Variants in OXR1 observed in about 807,000 individuals in gnomAD.
The protein encoded by OXR1 is oxidation resistance protein 1.
A neutral mutation model predicts 104.6 loss-of-function variants in OXR1; 41 were observed. The ratio of observed to expected loss-of-function variants is 0.39; its 90% CI spans 0.31 to 0.51. OXR1 has a LOEUF of 0.51. Ranked by LOEUF, OXR1 falls within the 20% of genes least tolerant of loss-of-function variation. The pLI, the probability that OXR1 is intolerant of heterozygous loss-of-function variation, is 0.77. For synonymous variants in OXR1, 348 were observed against 348.4 expected (o/e 1.00, Z 0.01); for missense variants, 955 against 1,031.9 (o/e 0.93, Z 1.02).
intron 3 of OXR1, among the ~76,000 whole-genome samples, chr8:106,599,478 T>C (rs1413277936): frequency 1.3e-5 from 2 of 152,174 alleles, no homozygotes; most frequent in African/African-American, 4.8e-5. Context: ...CAAAAGGAGA[T>C]TCTTTAATTT....
chr8:106,394,264 G>C (rs1046840964), intron 2 of OXR1, among the ~76,000 whole-genome samples: 17 of 150,068 alleles, frequency 1.1e-4, no homozygotes, highest in African/African-American at 4.2e-4. Flanking sequence ...ACTTTTTAAA[G>C]GGTATATTTA....
At position 106,464,261 on chromosome 8, in the gene OXR1, C is replaced by T. The variant is rs527450108; in HGVS notation, c.24-54682C>T. 3.9e-5 allele frequency among the ~76,000 whole-genome samples: 6 copies of T among 151,958 alleles called. No homozygotes were observed. In the East Asian group the frequency reaches 9.7e-4, roughly 25 times the overall value. On this transcript the variant is annotated intron_variant, in intron 2 of 16. Coordinates refer to ENST00000517566, the MANE Select transcript of OXR1 (RefSeq NM_001198533.2). ...TCAAGCCCAATATTGCACTAATCCT[C>T]AAAACATCTTGTGATGGAGATATTT...
At chr8:106,578,609 T>A (rs1435769104) in intron 3 of OXR1, among the ~76,000 whole-genome samples, 1 of 152,242 alleles carries the variant, frequency 6.6e-6, no homozygotes, top group East Asian at 1.9e-4. Flanking sequence ...TTTTAAGGAA[T>A]TAAGGACTTA....
chr8:106,304,649 A>C (rs1275617169), intron 1 of OXR1, among the ~76,000 whole-genome samples: 1 of 152,188 alleles, frequency 6.6e-6, no homozygotes, highest in Non-Finnish European at 1.5e-5. Context: ...GCATTACTGC[A>C]ATTTAATTTA....
At chr8:106,526,875 C>T (rs1813729205) in intron 3 of OXR1, among the ~76,000 whole-genome samples, 1 of 152,120 alleles carries the variant, frequency 6.6e-6, no homozygotes, top group East Asian at 1.9e-4. Flanking sequence ...GTTTAGGTGT[C>T]AGCTTGCCAG....
chr8:106,532,258 G>T (rs1018030591), intron 3 of OXR1, among the ~76,000 whole-genome samples: 1 of 152,208 alleles, frequency 6.6e-6, no homozygotes, highest in African/African-American at 2.4e-5. Flanking sequence ...GGGAATTTAT[G>T]TGCCTACAAA....
chr8:106,325,621 C>A (rs1231762514), intron 1 of OXR1, among the ~76,000 whole-genome samples: 1 of 152,146 alleles, frequency 6.6e-6, no homozygotes, highest in Admixed American at 6.5e-5. Flanking sequence ...ACATGTGATT[C>A]TTTACCACTC....
intron 3 of OXR1, among the ~76,000 whole-genome samples, chr8:106,593,574 C>T (rs201680844): frequency 1.3e-5 from 2 of 152,068 alleles, no homozygotes; most frequent in African/African-American, 4.8e-5. Flanking sequence ...GTCAGGAGAT[C>T]GAGACCATCC....
At chr8:106,646,610 C>T (rs1277551211) in intron 3 of OXR1, among the ~76,000 whole-genome samples, 1 of 151,786 alleles carries the variant, frequency 6.6e-6, no homozygotes, top group African/African-American at 2.4e-5. Context: ...TATGTGAAGA[C>T]CCATTATAGA....
chr8:106,701,928 A>C (rs1431374254), intron 7 of OXR1, among the ~76,000 whole-genome samples: 2 of 152,208 alleles, frequency 1.3e-5, no homozygotes, highest in African/African-American at 2.4e-5. Flanking sequence ...TTATAAAGTA[A>C]GAAGGTTAAA....
intron 3 of OXR1, among the ~76,000 whole-genome samples, chr8:106,606,467 ATTTTTT>A (rs34425594): frequency 2.9e-5 from 4 of 136,930 alleles, no homozygotes; most frequent in Non-Finnish European, 4.7e-5. Flanking sequence ...TGCCTGGCTA[ATTTTTT>A]TTTTTTTTTT....
intron 2 of OXR1, among the ~76,000 whole-genome samples, chr8:106,395,507 T>A (rs1451031223): frequency 6.6e-6 from 1 of 152,128 alleles, no homozygotes; most frequent in African/African-American, 2.4e-5. Context: ...ACTTATTCAC[T>A]ATCACAAGAA....
intron 1 of OXR1, among the ~76,000 whole-genome samples, chr8:106,294,453 G>T (rs186474712): frequency 6.7e-6 from 1 of 148,604 alleles, no homozygotes; most frequent in Non-Finnish European, 1.5e-5. Flanking sequence ...AATTTATAAC[G>T]AAGAGGTTAG....
intron 3 of OXR1, among the ~76,000 whole-genome samples, chr8:106,551,940 G>T (rs1306243604): frequency 6.8e-6 from 1 of 147,608 alleles, no homozygotes; most frequent in Non-Finnish European, 1.5e-5. Context: ...TGCGCACTGT[G>T]GTCCCAGCTA....
chr8:106,595,345 T>A (rs1247047430), intron 3 of OXR1, among the ~76,000 whole-genome samples: 1 of 151,256 alleles, frequency 6.6e-6, no homozygotes, highest in Non-Finnish European at 1.5e-5. Context: ...AGGTCAGGAG[T>A]TCGAGACAAG....
chr8:106,445,759 G>A (rs1334085102), intron 2 of OXR1, among the ~76,000 whole-genome samples: 1 of 152,152 alleles, frequency 6.6e-6, no homozygotes, highest in Non-Finnish European at 1.5e-5. Context: ...TTCGTACTGC[G>A]AGGCTTTAGA....
intron 2 of OXR1, among the ~76,000 whole-genome samples, chr8:106,477,658 A>G (rs1821881235): frequency 6.6e-6 from 1 of 151,942 alleles, no homozygotes. Context: ...TACAAAGTTC[A>G]TCTACAAGTT....
At chr8:106,412,867 C>A (rs529819162) in intron 2 of OXR1, among the ~76,000 whole-genome samples, 4 of 151,884 alleles carry the variant, frequency 2.6e-5, no homozygotes, top group African/African-American at 9.7e-5. Flanking sequence ...AGGGTAATGA[C>A]GTGTACATGT....
chr8:106,650,703 C>A (rs1416761958), intron 3 of OXR1, among the ~76,000 whole-genome samples: 3 of 152,152 alleles, frequency 2.0e-5, no homozygotes, highest in African/African-American at 7.2e-5. Flanking sequence ...CAGAAAGCAA[C>A]CACCATTACT....
Sources: gnomAD v4.1 joint callset for allele counts (sites outside exome capture counted in the v4.1 genomes callset) on GRCh38, gnomAD v4.1.1 for gene constraint, MANE v1.5 for transcripts, NCBI Gene and HGNC (gene_info 2026-07-23, HGNC 2026-07-21) for gene names.